AFF3: variants seen among roughly 807,000 people sequenced by gnomAD.
The protein encoded by AFF3 is ALF transcription elongation factor 3.
Under a neutral mutation model 129.7 loss-of-function variants are expected in AFF3, and 32 were observed. That is an observed-to-expected ratio of 0.25 (90% CI 0.19 to 0.33). AFF3 has a LOEUF of 0.33. AFF3 is among the 10% of genes least tolerant of loss of function. AFF3 has a pLI of 1.00. For synonymous variants in AFF3, 644 were observed against 635.4 expected, an observed-to-expected ratio of 1.01 and a Z score of -0.20; for missense variants, 1,373 against 1,592.0, an observed-to-expected ratio of 0.86 and a Z score of 2.34.
At chr2:99,627,653 A>G (rs994706883) in intron 13 of AFF3, among the ~76,000 whole-genome samples, 6 of 152,162 alleles carry the variant, frequency 3.9e-5, no homozygotes, top group African/African-American at 1.4e-4. Flanking sequence ...TTGCCCATTC[A>G]TATGACCAGA....
intron 7 of AFF3, among the ~76,000 whole-genome samples, chr2:99,903,840 C>A (rs1694523339): frequency 6.6e-6 from 1 of 152,096 alleles, no homozygotes; most frequent in Non-Finnish European, 1.5e-5. Flanking sequence ...AATTACGAAC[C>A]TTCTTCCTAA....
intron 8 of AFF3, among the ~76,000 whole-genome samples, chr2:99,755,494 C>T (rs772114256): frequency 9.9e-5 from 15 of 152,006 alleles, no homozygotes; most frequent in Admixed American, 4.6e-4. Context: ...CTCGAACTTC[C>T]GACCTCAGGT....
intron 19 of AFF3, among the ~76,000 whole-genome samples, chr2:99,568,466 C>G (rs556525594): frequency 1.3e-5 from 2 of 152,152 alleles, no homozygotes; most frequent in South Asian, 4.1e-4. Flanking sequence ...GTGAAGAACA[C>G]AAGTGTTTTT....
intron 7 of AFF3, among the ~76,000 whole-genome samples, chr2:99,872,541 C>T (rs1476282061): frequency 6.6e-6 from 1 of 151,402 alleles, no homozygotes; most frequent in Non-Finnish European, 1.5e-5. Flanking sequence ...AAAAGAAATA[C>T]CTCTTCAACC....
At chr2:100,122,329 C>G (rs1043386140) in intron 2 of AFF3, among the ~76,000 whole-genome samples, 9 of 152,168 alleles carry the variant, frequency 5.9e-5, no homozygotes, top group Non-Finnish European at 1.3e-4. Context: ...ATGAGAGAAC[C>G]ATCCAAAATC....
chr2:99,901,576 G>C (rs973657216), intron 7 of AFF3, among the ~76,000 whole-genome samples: 1 of 152,098 alleles, frequency 6.6e-6, no homozygotes, highest in African/African-American at 2.4e-5. Flanking sequence ...GGCCAAACTG[G>C]GAATCTGGGG....
intron 24 of AFF3, among the ~76,000 whole-genome samples, chr2:99,554,021 C>A (rs995363874): frequency 6.6e-6 from 1 of 150,566 alleles, no homozygotes; most frequent in African/African-American, 2.4e-5. Context: ...CATTATTTGT[C>A]ACAGTGGAAA....
chr2:100,128,514 A>G (rs757443556), intron 2 of AFF3, among the ~76,000 whole-genome samples: 1 of 152,202 alleles, frequency 6.6e-6, no homozygotes, highest in Non-Finnish European at 1.5e-5. Flanking sequence ...AGGTCAAGCA[A>G]TGACTTTCCC....
intron 3 of AFF3, 50 bp downstream of exon 3, chr2:100,105,454 C>T (rs749833744): frequency 1.2e-5 from 16 of 1,322,772 alleles, no homozygotes; most frequent in African/African-American, 6.0e-5. Context: ...CCCACCCACC[C>T]TCTAGCTGGC....
At chr2:99,950,212 G>A (rs998360679) in intron 7 of AFF3, among the ~76,000 whole-genome samples, 2 of 152,204 alleles carry the variant, frequency 1.3e-5, no homozygotes, top group Non-Finnish European at 2.9e-5. Context: ...TAATTGTGCA[G>A]AAGCATTAAA....
intron 7 of AFF3, among the ~76,000 whole-genome samples, chr2:99,902,093 C>T (rs957935609): frequency 2.6e-5 from 4 of 151,512 alleles, no homozygotes; most frequent in Admixed American, 6.6e-5. Context: ...CCCTTGTGTG[C>T]GGGTGAATAC....
rs1299946577 is a variant in AFF3 at position 99,670,273 on chromosome 2, G to C, written c.1143+2265C>G. 2.0e-5 allele frequency among the ~76,000 whole-genome samples: 3 copies of C among 152,130 alleles called. No individual in the cohort carries two copies. In the East Asian group the frequency reaches 5.8e-4, roughly 29 times the overall value. The stretch of plus-strand genomic sequence containing the variant: ...TGGAGTCTGAGGCGATCTGAGGAAG[G>C]GCAGGCAGGTATAGCAACTTGAAGC... On this transcript the variant is annotated intron_variant, in intron 12 of 24. Transcript: ENST00000672756.
intron 7 of AFF3, among the ~76,000 whole-genome samples, chr2:99,938,096 G>A (rs1176175358): frequency 6.6e-6 from 1 of 152,106 alleles, no homozygotes; most frequent in Non-Finnish European, 1.5e-5. Flanking sequence ...CTACTCTTTA[G>A]ATACTTTTCA....
chr2:99,587,983 C>G (rs1678298827), intron 15 of AFF3, among the ~76,000 whole-genome samples: 1 of 148,904 alleles, frequency 6.7e-6, no homozygotes, highest in Non-Finnish European at 1.5e-5. Context: ...GCACTCCAGC[C>G]TGGTGACAGA....
intron 7 of AFF3, among the ~76,000 whole-genome samples, chr2:99,897,963 C>A (rs1694091912): frequency 6.6e-6 from 1 of 152,168 alleles, no homozygotes; most frequent in Non-Finnish European, 1.5e-5. Context: ...TAAGAAGAAA[C>A]AAAGCCTCTC....
At chr2:99,684,941 CTT>C (rs70940184) in intron 11 of AFF3, among the ~76,000 whole-genome samples, 27 of 138,716 alleles carry the variant, frequency 1.9e-4, no homozygotes, top group Admixed American at 2.8e-4. Flanking sequence ...TTCTTTCTTT[CTT>C]TTTTTTTTTT....
intron 7 of AFF3, among the ~76,000 whole-genome samples, chr2:99,838,542 AC>A (rs1178125241): frequency 3.3e-5 from 5 of 152,082 alleles, no homozygotes; most frequent in African/African-American, 4.8e-5. Flanking sequence ...CCGAGCAGCC[AC>A]CCTGACCCTA....
At chr2:99,894,055 C>T (rs928596204) in intron 7 of AFF3, among the ~76,000 whole-genome samples, 6 of 151,940 alleles carry the variant, frequency 3.9e-5, no homozygotes, top group Non-Finnish European at 7.4e-5. Flanking sequence ...AAAATCAGAC[C>T]TTTGCAATGA....
intron 13 of AFF3, among the ~76,000 whole-genome samples, chr2:99,610,894 T>C (rs780085395): frequency 5.3e-5 from 8 of 152,226 alleles, no homozygotes; most frequent in Non-Finnish European, 8.8e-5. Context: ...AGCCTCACTC[T>C]TTCTCTTGTC....
Sources: gnomAD v4.1 joint callset for allele counts (sites outside exome capture counted in the v4.1 genomes callset) on GRCh38, gnomAD v4.1.1 for gene constraint, MANE v1.5 for transcripts, NCBI Gene and HGNC (gene_info 2026-07-23, HGNC 2026-07-21) for gene names.